The following WAPL variants were observed in gnomAD, a reference collection of about 807,000 sequenced individuals.
WAPL encodes the protein WAPL cohesin release factor.
WAPL carries 5 observed loss-of-function variants against 121.0 expected under a neutral mutation model. That is an observed-to-expected ratio of 0.04 (90% CI 0.02 to 0.09). WAPL has a LOEUF of 0.09. Ranked by LOEUF, WAPL falls within the 10% of genes least tolerant of loss-of-function variation. The pLI is 1.00. For missense variants in WAPL, 999 were observed against 1,410.8 expected, an observed-to-expected ratio of 0.71 and a Z score of 4.68; for synonymous variants, 480 against 481.5, an observed-to-expected ratio of 1.00 and a Z score of 0.04.
At chr10:86,506,916 T>C (rs1184973282) in intron 2 of WAPL, among the ~76,000 whole-genome samples, 3 of 152,072 alleles carry the variant, frequency 2.0e-5, no homozygotes, top group Admixed American at 2.0e-4. Flanking sequence ...TTGGGGACAC[T>C]GATATGCTGA....
chr10:86,500,776 G>C (rs1417765164), intron 2 of WAPL, 33 bp from the exon 3 acceptor site: 2 of 1,493,108 alleles, frequency 1.3e-6, no homozygotes, highest in South Asian at 2.7e-5. Context: ...AAAAACATGA[G>C]TGGTATCAAC....
rs548185790 is a variant in WAPL, at chr10:86,490,071, G to A, written c.1644+7130C>T. Among the ~76,000 whole-genome samples the A allele has an allele frequency of 1.6e-4, 25 of 151,900 alleles. 1 individual carries two copies. In the South Asian group the frequency reaches 3.7e-3, roughly 23 times the overall value. On this transcript the variant is annotated intron_variant, in intron 4 of 18. Coordinates refer to ENST00000298767, the MANE Select transcript of WAPL (RefSeq NM_015045.5). ...TCTACTAGAAATACAAAAATTAGCCGGGCATGGTGGTGCACGTCTGTAATC... is the reference window on the plus strand; with the variant it reads ...TCTACTAGAAATACAAAAATTAGCCAGGCATGGTGGTGCACGTCTGTAATC...
chr10:86,500,896 C>T (rs1369520439), intron 2 of WAPL, among the ~76,000 whole-genome samples, 153 bp from the exon 3 acceptor site: 1 of 152,134 alleles, frequency 6.6e-6, no homozygotes, highest in Non-Finnish European at 1.5e-5. Context: ...ACATATCAGA[C>T]ATTTCCTCTC....
chr10:86,486,659 G>T (rs1436826085), intron 4 of WAPL, among the ~76,000 whole-genome samples: 4 of 152,148 alleles, frequency 2.6e-5, no homozygotes, highest in Non-Finnish European at 5.9e-5. Flanking sequence ...GGGGAATGAT[G>T]AAAGTAAAGG....
Position 86,448,822 on chromosome 10 carries a change from C to T in WAPL, c.3115-2373G>A, listed in dbSNP as rs533454308. ...TAGAAACATAATTTTGCCATGTTGCCCAGGCCAGGCTCAAACTCCTGGGCT... is the reference window on the plus strand; with the variant it reads ...TAGAAACATAATTTTGCCATGTTGCTCAGGCCAGGCTCAAACTCCTGGGCT... On this transcript the variant is annotated intron_variant, in intron 15 of 18. Transcript: ENST00000298767. Among the ~76,000 whole-genome samples, 56 of 152,042 alleles carry T rather than the reference C, an allele frequency of 3.7e-4. 1 individual carries two copies. Among genetic ancestry groups the T allele is most frequent in the Non-Finnish European group, 6.9e-4 (47 of 68,010 alleles).
At chr10:86,466,994 C>T in intron 9 of WAPL, 1 of 328,566 alleles carries the variant, frequency 3.0e-6, no homozygotes, top group South Asian at 3.1e-5. Flanking sequence ...AACCACTGTG[C>T]CCGGCCCCTT....
At chr10:86,446,771 T>C (rs1053633471) in intron 15 of WAPL, among the ~76,000 whole-genome samples, 1 of 152,220 alleles carries the variant, frequency 6.6e-6, no homozygotes, top group African/African-American at 2.4e-5. Flanking sequence ...AAAGGGAATA[T>C]GCTAAATTCC....
chr10:86,503,198 G>C (rs1029707667), intron 2 of WAPL, among the ~76,000 whole-genome samples: 1 of 152,070 alleles, frequency 6.6e-6, no homozygotes, highest in Non-Finnish European at 1.5e-5. Context: ...GGCTGGGCGC[G>C]GGGGCTCACA....
intron 2 of WAPL, among the ~76,000 whole-genome samples, chr10:86,509,291 A>T (rs571270930): frequency 2.1e-4 from 32 of 152,328 alleles, no homozygotes; most frequent in Non-Finnish European, 3.5e-4. Flanking sequence ...TCCCTATCTC[A>T]GTAAATGACA....
chr10:86,478,369 C>G (rs1259975050), intron 4 of WAPL, among the ~76,000 whole-genome samples: 3 of 151,976 alleles, frequency 2.0e-5, no homozygotes, highest in African/African-American at 7.3e-5. Flanking sequence ...GAAGTGGAGG[C>G]TGCAGTGAGC....
intron 2 of WAPL, 46 bp downstream of exon 2, chr10:86,517,525 T>G: frequency 6.5e-7 from 1 of 1,533,958 alleles, no homozygotes; most frequent in South Asian, 1.3e-5. Context: ...AATAAATTGG[T>G]TGCACAAAGC....
At chr10:86,479,905 CAGG>C (rs1031846633) in intron 4 of WAPL, among the ~76,000 whole-genome samples, 3 of 152,282 alleles carry the variant, frequency 2.0e-5, no homozygotes, top group African/African-American at 7.2e-5. Flanking sequence ...GAATCAGAAG[CAGG>C]AGAAGAAAAG....
At chr10:86,488,801 G>T (rs1467526992) in intron 4 of WAPL, among the ~76,000 whole-genome samples, 1 of 152,072 alleles carries the variant, frequency 6.6e-6, no homozygotes, top group Non-Finnish European at 1.5e-5. Context: ...AACACTACAA[G>T]GCCAAATACT....
intron 4 of WAPL, among the ~76,000 whole-genome samples, chr10:86,480,392 T>C (rs188628084): frequency 8.8e-4 from 134 of 152,298 alleles, no homozygotes; most frequent in Middle Eastern, 3.4e-3. Flanking sequence ...CATAACTTGG[T>C]CATAAGTTCT....
At chr10:86,447,593 AT>A (rs1040276051) in intron 15 of WAPL, among the ~76,000 whole-genome samples, 1 of 151,634 alleles carries the variant, frequency 6.6e-6, no homozygotes. Context: ...GGGGACTCTT[AT>A]AAAAAAAAAA....
At position 86,517,869 on chromosome 10, in the gene WAPL, T is replaced by A; in HGVS notation, c.201A>T (p.Glu67Asp). Residue 67 changes from glutamate (E) to aspartate (D), a missense_variant, in exon 2 of 19, where the codon GAA becomes GAT. By Grantham distance (45) the Glu-to-Asp change is conservative. Coordinates refer to ENST00000298767, the MANE Select transcript of WAPL (RefSeq NM_015045.5). ...CAAATCCAAAAGGATCTCCAGTACT[T>A]TCTTCTTCCACTTTAGGTTTCTTCG... ...EIPKKPKVEE[E>D]STGDPFGFDS... 2 of 1,614,154 alleles carry A rather than the reference T, an allele frequency of 1.2e-6. No homozygotes were observed. The highest frequency in any genetic ancestry group is 1.7e-6 in the Non-Finnish European group (2 of 1,180,000).
At chr10:86,450,904 A>T (rs2132171600) in intron 15 of WAPL, among the ~76,000 whole-genome samples, 1 of 152,348 alleles carries the variant, frequency 6.6e-6, no homozygotes, top group East Asian at 1.9e-4. Flanking sequence ...ATAAAAAATG[A>T]CTTTAAATGG....
intron 18 of WAPL, 122 bp from the exon 19 acceptor site, chr10:86,437,730 A>T: frequency 8.8e-7 from 1 of 1,135,408 alleles, no homozygotes; most frequent in South Asian, 1.6e-5. Flanking sequence ...GTACACCGAG[A>T]TTAAATTGTG....
chr10:86,451,583 AG>A (rs1191465232), intron 15 of WAPL, among the ~76,000 whole-genome samples: 2 of 151,582 alleles, frequency 1.3e-5, no homozygotes, highest in Admixed American at 6.6e-5. Flanking sequence ...AGTAGAGATG[AG>A]GTTTCACCAT....
Sources: allele counts gnomAD v4.1 joint callset (sites outside exome capture counted in the v4.1 genomes callset), GRCh38; gene constraint gnomAD v4.1.1; transcripts MANE v1.5; gene names NCBI Gene and HGNC (gene_info 2026-07-23, HGNC 2026-07-21).